The following BBS9 variants were observed in gnomAD, a reference collection of about 807,000 sequenced individuals.
The protein encoded by BBS9 is Bardet-Biedl syndrome 9.
A neutral mutation model predicts 117.7 loss-of-function variants in BBS9; 89 were observed. The ratio of observed to expected loss-of-function variants is 0.76; its 90% CI spans 0.64 to 0.90. The LOEUF is 0.90. Among genes scored for constraint, BBS9 ranks in the 40% least tolerant of loss-of-function variants. The probability of loss-of-function intolerance (pLI) is 0.00; values close to 1 mark genes in which losing one functional copy is unlikely to be tolerated. For synonymous variants in BBS9, 379 were observed against 370.9 expected (o/e 1.02, Z -0.25); for missense variants, 982 against 1,042.2 (o/e 0.94, Z 0.80).
rs564578493 is a variant in BBS9 at position 33,213,662 on chromosome 7, A to T, written c.442+36071A>T. On this transcript the variant is annotated intron_variant, in intron 5 of 22. Coordinates refer to ENST00000242067, the MANE Select transcript of BBS9 (RefSeq NM_198428.3). ...TACTACCTGGGTATTGCTGCCGGTTATTCAGGGCTCAGGGGCTCTTTTATC... is the reference window on the plus strand; with the variant it reads ...TACTACCTGGGTATTGCTGCCGGTTTTTCAGGGCTCAGGGGCTCTTTTATC... Among the ~76,000 whole-genome samples, 16 of 152,302 alleles carry T rather than the reference A, an allele frequency of 1.1e-4. No homozygotes were observed. The South Asian group carries it at 2.7e-3, about 26-fold the overall frequency.
At chr7:33,135,415 G>A (rs1356536073) in intron 1 of BBS9, among the ~76,000 whole-genome samples, 2 of 152,096 alleles carry the variant, frequency 1.3e-5, no homozygotes, top group African/African-American at 2.4e-5. Context: ...GTCACTATTC[G>A]GTCATCTTAG....
At chr7:33,257,526 A>G in intron 6 of BBS9, 116 bp downstream of exon 6, 2 of 945,004 alleles carry the variant, frequency 2.1e-6, no homozygotes, top group Non-Finnish European at 3.4e-6. Context: ...GGTTTCTTTG[A>G]AAATATGTGA....
At chr7:33,528,548 A>G (rs955157474) in intron 20 of BBS9, among the ~76,000 whole-genome samples, 2 of 152,196 alleles carry the variant, frequency 1.3e-5, no homozygotes, top group South Asian at 2.1e-4. Flanking sequence ...TTAGATTTCA[A>G]TTACATACTT....
chr7:33,255,355 T>TA (rs1288112087), intron 5 of BBS9, among the ~76,000 whole-genome samples: 4 of 151,410 alleles, frequency 2.6e-5, no homozygotes, highest in African/African-American at 9.7e-5. Flanking sequence ...ATCTTTTTTT[T>TA]TTTTTTTTGC....
At chr7:33,263,222 T>C (rs1026652294) in intron 6 of BBS9, among the ~76,000 whole-genome samples, 2 of 152,204 alleles carry the variant, frequency 1.3e-5, no homozygotes, top group Non-Finnish European at 2.9e-5. Flanking sequence ...TATAAGTGAA[T>C]TATTCTTGAT....
At chr7:33,583,075 T>G (rs1860267408) in intron 21 of BBS9, among the ~76,000 whole-genome samples, 1 of 152,142 alleles carries the variant, frequency 6.6e-6, no homozygotes, top group Admixed American at 6.6e-5. Context: ...AGAATTCTAT[T>G]TTTTCTAAGA....
intron 12 of BBS9, among the ~76,000 whole-genome samples, chr7:33,346,713 G>A (rs1320893001): frequency 6.6e-6 from 1 of 152,132 alleles, no homozygotes; most frequent in Non-Finnish European, 1.5e-5. Context: ...TATCATGATT[G>A]TGCAACTAAA....
At chr7:33,470,463 C>A (rs1418885307) in intron 19 of BBS9, among the ~76,000 whole-genome samples, 1 of 151,932 alleles carries the variant, frequency 6.6e-6, no homozygotes, top group Non-Finnish European at 1.5e-5. Context: ...CCATTTCTAC[C>A]CCTTCACTTT....
intron 19 of BBS9, among the ~76,000 whole-genome samples, chr7:33,484,973 A>G (rs936375826): frequency 6.6e-6 from 1 of 152,252 alleles, no homozygotes; most frequent in Non-Finnish European, 1.5e-5. Context: ...ATAAAAAGGA[A>G]TGAGATCATT....
chr7:33,550,878 A>AT (rs1854313622), intron 21 of BBS9, among the ~76,000 whole-genome samples: 1 of 152,176 alleles, frequency 6.6e-6, no homozygotes, highest in Admixed American at 6.5e-5. Flanking sequence ...AACTCTGTAT[A>AT]TTATTTAAAA....
rs532205788 is a variant in BBS9, at chr7:33,383,345, T to A, written c.1790-321T>A. 2.0e-5 allele frequency among the ~76,000 whole-genome samples: 3 copies of A among 152,302 alleles called. No individual in the cohort carries two copies. The South Asian group carries it at 6.2e-4, about 32-fold the overall frequency. On this transcript the variant is annotated intron_variant, in intron 17 of 22. Transcript: ENST00000242067. ...ATTCTTGCAATGGCTCTTTTCTTTT[T>A]AAGTACAGGCCTTTTTAAAGGACCC...
At position 33,446,001 on chromosome 7, in the gene BBS9, G is replaced by A. The variant is rs530324112; in HGVS notation, c.2115+57857G>A. On this transcript the variant is annotated intron_variant, in intron 19 of 22. Transcript: ENST00000242067. ...AGTATCATTAGAGCAGTGTGAAAAC[G>A]GACTAATACAGATATTAATAGATTT... 4.6e-5 allele frequency among the ~76,000 whole-genome samples: 7 copies of A among 152,068 alleles called. No homozygotes were observed. In the South Asian group the frequency reaches 8.3e-4, roughly 18 times the overall value.
intron 5 of BBS9, among the ~76,000 whole-genome samples, chr7:33,254,674 T>A (rs1200389094): frequency 6.6e-6 from 1 of 152,200 alleles, no homozygotes. Flanking sequence ...TCCCCATCCC[T>A]GACCCCTGGT....
chr7:33,323,402 A>C (rs1191024669), intron 9 of BBS9, among the ~76,000 whole-genome samples: 3 of 152,072 alleles, frequency 2.0e-5, no homozygotes, highest in Non-Finnish European at 4.4e-5. Context: ...TGCTTCATTT[A>C]TTTGGATGCT....
intron 5 of BBS9, among the ~76,000 whole-genome samples, chr7:33,239,910 G>A (rs1160995008): frequency 1.3e-5 from 2 of 152,226 alleles, no homozygotes; most frequent in East Asian, 3.9e-4. Flanking sequence ...TTCAGAGGCT[G>A]AGGTAGGAGG....
chr7:33,493,249 C>T (rs1041401937), intron 19 of BBS9, among the ~76,000 whole-genome samples: 13 of 152,196 alleles, frequency 8.5e-5, no homozygotes, highest in African/African-American at 3.1e-4. Flanking sequence ...CTGCCTTGGC[C>T]TCCCAAAGTG....
chr7:33,178,838 C>T (rs902415422), intron 5 of BBS9, among the ~76,000 whole-genome samples: 1 of 151,514 alleles, frequency 6.6e-6, no homozygotes, highest in Admixed American at 6.6e-5. Context: ...TTGGGTATAC[C>T]AAGCAGCATC....
chr7:33,359,633 TTAAAA>T (rs1285617156), intron 16 of BBS9, among the ~76,000 whole-genome samples: 14 of 152,108 alleles, frequency 9.2e-5, no homozygotes, highest in African/African-American at 3.1e-4. Context: ...ATGTGCTTGT[TTAAAA>T]TAAGTATCAC....
chr7:33,549,002 C>G (rs1454855596), intron 21 of BBS9, among the ~76,000 whole-genome samples: 6 of 151,244 alleles, frequency 4.0e-5, no homozygotes, highest in Admixed American at 3.9e-4. Context: ...AAGCTGGAGG[C>G]ATCACACTAC....
Sources: allele counts gnomAD v4.1 joint callset (sites outside exome capture counted in the v4.1 genomes callset), GRCh38; gene constraint gnomAD v4.1.1; transcripts MANE v1.5; gene names NCBI Gene and HGNC (gene_info 2026-07-23, HGNC 2026-07-21).